The following ZNF451 variants were observed in gnomAD, a reference collection of about 807,000 sequenced individuals.
ZNF451 encodes the protein E3 SUMO-protein ligase ZNF451.
In ZNF451, 80 loss-of-function variants were observed where a neutral mutation model predicts 107.1. The ratio of observed to expected loss-of-function variants is 0.75; its 90% CI spans 0.62 to 0.90. ZNF451 has a LOEUF of 0.90. Among genes scored for constraint, ZNF451 ranks in the 40% least tolerant of loss-of-function variants. ZNF451 has a pLI of 0.00. For synonymous variants in ZNF451, 362 were observed against 406.5 expected (o/e 0.89, Z 1.32); for missense variants, 1,107 against 1,236.2 (o/e 0.90, Z 1.57).
chr6:57,146,916 C>T (rs955050051), intron 9 of ZNF451, among the ~76,000 whole-genome samples, 174 bp from the exon 10 acceptor site: 7 of 152,126 alleles, frequency 4.6e-5, no homozygotes, highest in African/African-American at 1.7e-4. Context: ...GCAGATAATA[C>T]TCAAGTATTT....
At chr6:57,097,401 C>T (rs913807446) in intron 2 of ZNF451, among the ~76,000 whole-genome samples, 3 of 152,236 alleles carry the variant, frequency 2.0e-5, no homozygotes, top group Non-Finnish European at 4.4e-5. Context: ...CAACTTTCTA[C>T]ATCCTACAAA....
At position 57,117,476 on chromosome 6, in the gene ZNF451, G is replaced by GTGAT. The variant is rs145778098; in HGVS notation, c.187-7256_187-7253dup. 2.9e-3 allele frequency among the ~76,000 whole-genome samples: 445 copies of GTGAT among 152,270 alleles called. 2 individuals carry two copies. Among genetic ancestry groups the GTGAT allele is most frequent in the African/African-American group, 9.9e-3 (411 of 41,548 alleles). ...TTAAGGCCTCCAAGATGGTAGGCTAGTGATTAATTTTAGAGTGAAGTTGAA... is the reference window on the plus strand; with the variant it reads ...TTAAGGCCTCCAAGATGGTAGGCTAGTGATTGATTAATTTTAGAGTGAAGTTGAA... On this transcript the variant is annotated intron_variant, in intron 3 of 14. Coordinates refer to ENST00000370706, the MANE Select transcript of ZNF451 (RefSeq NM_001031623.3).
intron 3 of ZNF451, chr6:57,105,327 A>G (rs1423297527): frequency 1.4e-5 from 14 of 984,016 alleles, no homozygotes; most frequent in African/African-American, 1.7e-5. Context: ...TATAGAGACA[A>G]TATGGTTTCT....
intron 7 of ZNF451, among the ~76,000 whole-genome samples, chr6:57,140,196 TAAG>T (rs1426195624): frequency 6.6e-6 from 1 of 152,040 alleles, no homozygotes; most frequent in East Asian, 1.9e-4. Flanking sequence ...AAAATTCACA[TAAG>T]AACACATCTG....
In ZNF451 at chr6:57,148,102, G is replaced by A; in HGVS notation, c.2017G>A (p.Asp673Asn). 1 of 1,614,046 alleles carries A rather than the reference G, an allele frequency of 6.2e-7. No individual in the cohort carries two copies. The highest frequency in any genetic ancestry group is 8.5e-7 in the Non-Finnish European group (1 of 1,179,972). Residue 673 changes from aspartate to asparagine, a missense_variant, in exon 10 of 15, where the codon GAT (aspartate) becomes AAT (asparagine). By Grantham distance (23) the Asp-to-Asn change is conservative (BLOSUM62 1). Coordinates refer to ENST00000370706, the MANE Select transcript of ZNF451 (RefSeq NM_001031623.3). ...GATTAAATACTTCTGTGGGCTTTGTGATCTTATCTTTAATGTGGAAGAAGC... is the reference window on the plus strand; with the variant it reads ...GATTAAATACTTCTGTGGGCTTTGTAATCTTATCTTTAATGTGGAAGAAGC... ...IKIKYFCGLC[D>N]LIFNVEEAFL...
intron 14 of ZNF451, among the ~76,000 whole-genome samples, chr6:57,166,352 T>C (rs75670105): frequency 0.064 from 9,684 of 152,272 alleles, 454 homozygotes; most frequent in Non-Finnish European, 0.1. Flanking sequence ...AAAATTTTTT[T>C]TTCTTCAGTA....
chr6:57,143,262 C>T lies in ZNF451; in HGVS notation c.1004+1167C>T, dbSNP rs530914199. ...CTTTTATGGTTATGCTTTCTGTGTC[C>T]TGAGAAACCCTTGCCTCTTCTTGCT... On this transcript the variant is annotated intron_variant, in intron 9 of 14. Coordinates refer to ENST00000370706, the MANE Select transcript of ZNF451 (RefSeq NM_001031623.3). Among the ~76,000 whole-genome samples, 9 of 152,076 alleles carry T rather than the reference C, an allele frequency of 5.9e-5. 1 individual carries two copies. In the South Asian group the frequency reaches 1.7e-3, roughly 28 times the overall value.
At chr6:57,161,048 GGCACAATAACT>G in intron 13 of ZNF451, 25 bp from the exon 14 acceptor site, 3 of 1,355,990 alleles carry the variant, frequency 2.2e-6, no homozygotes, top group Non-Finnish European at 3.0e-6. Flanking sequence ...ATAAATTTAT[GGCACAATAACT>G]GCATGTATTG....
chr6:57,122,332 T>A lies in ZNF451; in HGVS notation c.187-2402T>A, dbSNP rs1435919240. On this transcript the variant is annotated intron_variant, in intron 3 of 14. Transcript: ENST00000370706. ...ATTGACTTAGGCAAAGAATTTATGA[T>A]GAAGACCCTAAAAGCAAATAGAACA... Among the ~76,000 whole-genome samples, 3 of 152,148 alleles carry A rather than the reference T, an allele frequency of 2.0e-5. No individual in the cohort carries two copies. The East Asian group carries it at 5.8e-4, about 29-fold the overall frequency.
chr6:57,169,225 CAG>C lies in ZNF451; in HGVS notation c.*757_*758del, dbSNP rs1272813632. 1 of 152,048 alleles carries C rather than the reference CAG, an allele frequency of 6.6e-6. No homozygotes were observed. Among genetic ancestry groups the C allele is most frequent in the Non-Finnish European group, 1.5e-5 (1 of 67,956 alleles). The allele number at this position is 152,048 out of a possible 1,614,324, so 9.4% of individuals were successfully genotyped here. On this transcript the variant is annotated 3_prime_UTR_variant, in exon 15 of 15. Coordinates refer to ENST00000370706, the MANE Select transcript of ZNF451 (RefSeq NM_001031623.3). ...ATTTGCATAAAATTATTTTTCATAA[CAG>C]TCCTTTTTTATATATTGGTGTAAAC...
chr6:57,151,083 C>T (rs904050728), intron 11 of ZNF451: 6 of 470,502 alleles, frequency 1.3e-5, no homozygotes, highest in Middle Eastern at 1.1e-3. Context: ...ATCTTTTGGC[C>T]GGGCGCGGTG....
chr6:57,110,515 C>T (rs1200380897), intron 3 of ZNF451, among the ~76,000 whole-genome samples: 1 of 152,182 alleles, frequency 6.6e-6, no homozygotes, highest in Admixed American at 6.5e-5. Context: ...TAGAAAACAA[C>T]TCTGAGGATG....
intron 3 of ZNF451, among the ~76,000 whole-genome samples, chr6:57,110,580 G>A (rs1412187638): frequency 6.6e-6 from 1 of 152,160 alleles, no homozygotes; most frequent in Non-Finnish European, 1.5e-5. Context: ...TTAAATGGTT[G>A]CATACTTCAG....
chr6:57,101,932 G>T, intron 3 of ZNF451: 2 of 1,550,490 alleles, frequency 1.3e-6, no homozygotes, highest in Non-Finnish European at 1.7e-6. Context: ...TGACTATAAA[G>T]ATCACAAATA....
chr6:57,162,721 A>G (rs1763721413), intron 14 of ZNF451, among the ~76,000 whole-genome samples: 1 of 152,200 alleles, frequency 6.6e-6, no homozygotes, highest in Non-Finnish European at 1.5e-5. Context: ...TGCCAGGCAA[A>G]ATTATAACTT....
intron 3 of ZNF451, chr6:57,109,793 T>G (rs1830029829): frequency 3.8e-6 from 3 of 795,034 alleles, no homozygotes; most frequent in South Asian, 1.2e-4. Flanking sequence ...GGAGTTAGAG[T>G]GTATATGTAT....
At chr6:57,101,690 C>G in intron 3 of ZNF451, 1 of 1,550,660 alleles carries the variant, frequency 6.4e-7, no homozygotes. Flanking sequence ...TGCATAATAT[C>G]TGATGGTATG....
In ZNF451 at chr6:57,100,648, G is replaced by C. The variant is rs141376495; in HGVS notation, c.186+1507G>C. On this transcript the variant is annotated intron_variant, in intron 3 of 14. Transcript: ENST00000370706. ...GCCATCCTCTGAGAATCATCGCCCA[G>C]AAATGTGCTCTAGCTGCAATGTTCC... The C allele has an allele frequency of 4.5e-3, 6,899 of 1,546,004 alleles. 21 individuals carry two copies. The highest frequency in any genetic ancestry group is 5.5e-3 in the Non-Finnish European group (6,320 of 1,145,020).
rs946586288 is a variant in ZNF451, at chr6:57,168,915, C to T, written c.*446C>T. 3 of 155,646 alleles carry T rather than the reference C, an allele frequency of 1.9e-5. No individual in the cohort carries two copies. Among genetic ancestry groups the T allele is most frequent in the Admixed American group, 1.3e-4 (2 of 15,320 alleles). The allele number at this position is 155,646 out of a possible 1,614,324, so 9.6% of individuals were successfully genotyped here. A position where few individuals can be genotyped will look rare whatever the true frequency, so the allele number is the denominator to read the frequency against. ...CAAGTTTTCCATAAATTCTACTTCT[C>T]ATGTGGCACTATTATATAATACCTT... On this transcript the variant is annotated 3_prime_UTR_variant, in exon 15 of 15. Coordinates refer to ENST00000370706, the MANE Select transcript of ZNF451 (RefSeq NM_001031623.3).
Sources: allele counts gnomAD v4.1 joint callset (sites outside exome capture counted in the v4.1 genomes callset), GRCh38; gene constraint gnomAD v4.1.1; transcripts MANE v1.5; gene names NCBI Gene and HGNC (gene_info 2026-07-23, HGNC 2026-07-21).